NALCN: variants seen among roughly 807,000 people sequenced by gnomAD.
NALCN encodes sodium leak channel, non-selective, also known as sodium leak channel NALCN.
NALCN carries 111 observed loss-of-function variants against 225.3 expected under a neutral mutation model. That is an observed-to-expected ratio of 0.49 (90% confidence interval 0.42 to 0.58). The LOEUF (loss-of-function observed/expected upper bound fraction) is 0.58, where lower values mean the gene tolerates loss of function less well. Ranked by LOEUF, NALCN falls within the 20% of genes least tolerant of loss-of-function variation. The pLI is 0.00. For missense variants in NALCN, 1,378 were observed against 2,202.4 expected, an observed-to-expected ratio of 0.63 and a Z score of 7.49; for synonymous variants, 764 against 769.0, an observed-to-expected ratio of 0.99 and a Z score of 0.11.
chr13:101,194,598 T>C (rs1460009496), intron 13 of NALCN, among the ~76,000 whole-genome samples: 1 of 152,214 alleles, frequency 6.6e-6, no homozygotes, highest in African/African-American at 2.4e-5. Context: ...TTATTAGTGG[T>C]TACTAAAGGT....
At chr13:101,065,702 T>G in intron 39 of NALCN, 141 bp from the exon 40 acceptor site, 2 of 987,190 alleles carry the variant, frequency 2.0e-6, no homozygotes, top group Non-Finnish European at 2.9e-6. Context: ...GTCACCTCCT[T>G]GGAGCCTGGT....
intron 3 of NALCN, among the ~76,000 whole-genome samples, chr13:101,388,230 G>A (rs933827025): frequency 1.3e-4 from 20 of 152,046 alleles, no homozygotes; most frequent in East Asian, 1.9e-4. Context: ...TAACTAAAAC[G>A]TTAGCTAGCA....
At chr13:101,272,006 T>C (rs990878658) in intron 10 of NALCN, among the ~76,000 whole-genome samples, 1 of 147,486 alleles carries the variant, frequency 6.8e-6, no homozygotes, top group Non-Finnish European at 1.5e-5. Flanking sequence ...GTGTCTGCGA[T>C]TGTGTGTCAC....
chr13:101,366,699 T>C (rs2046385312), intron 6 of NALCN, among the ~76,000 whole-genome samples: 3 of 152,208 alleles, frequency 2.0e-5, no homozygotes, highest in Admixed American at 2.0e-4. Context: ...TGTGATGTTT[T>C]GATGTATGTA....
At chr13:101,254,511 C>A (rs2042159987) in intron 11 of NALCN, among the ~76,000 whole-genome samples, 1 of 151,982 alleles carries the variant, frequency 6.6e-6, no homozygotes, top group South Asian at 2.1e-4. Context: ...AACAAAATCA[C>A]CACTACCTAG....
intron 17 of NALCN, among the ~76,000 whole-genome samples, chr13:101,127,891 A>G (rs1398671463): frequency 1.3e-5 from 2 of 152,200 alleles, no homozygotes; most frequent in Non-Finnish European, 2.9e-5. Flanking sequence ...GGCAAAGGGC[A>G]TTCCTAGACT....
chr13:101,227,238 A>G (rs1036250367), intron 13 of NALCN, among the ~76,000 whole-genome samples: 1 of 152,134 alleles, frequency 6.6e-6, no homozygotes, highest in Non-Finnish European at 1.5e-5. Flanking sequence ...CCTCTGCAGG[A>G]ACCTTTGCCA....
intron 11 of NALCN, among the ~76,000 whole-genome samples, chr13:101,240,939 T>C (rs1402002135): frequency 6.6e-6 from 1 of 152,230 alleles, no homozygotes; most frequent in Non-Finnish European, 1.5e-5. Context: ...GTTACTGTTT[T>C]ATGTGAAATT....
intron 13 of NALCN, among the ~76,000 whole-genome samples, chr13:101,194,283 C>T (rs1229035201): frequency 6.6e-6 from 1 of 152,114 alleles, no homozygotes; most frequent in Non-Finnish European, 1.5e-5. Context: ...AGCTCAACCA[C>T]CTGAAAGCTC....
intron 12 of NALCN, among the ~76,000 whole-genome samples, chr13:101,231,409 A>G (rs2041343917): frequency 6.6e-6 from 1 of 152,244 alleles, no homozygotes; most frequent in South Asian, 2.1e-4. Context: ...CACAGCTTTT[A>G]AGGACATATT....
chr13:101,186,065 T>C (rs551992305), intron 14 of NALCN, among the ~76,000 whole-genome samples: 31 of 152,380 alleles, frequency 2.0e-4, no homozygotes, highest in African/African-American at 7.5e-4. Context: ...AATGTGTGTG[T>C]AACACAGACC....
chr13:101,328,978 G>A (rs1320779126), intron 7 of NALCN, among the ~76,000 whole-genome samples: 1 of 152,104 alleles, frequency 6.6e-6, no homozygotes, highest in East Asian at 1.9e-4. Flanking sequence ...AGCTGCTTCT[G>A]TTCTCTGCAT....
rs1251252657 is a variant in NALCN, at chr13:101,254,904, A to AC, written c.1266+3538_1266+3539insG. ...AGACTCTGTCTCAAAAAAAAAAAAA[A>AC]AAAAAAAAAGAATGAATGACATGTT... On this transcript the variant is annotated intron_variant, in intron 11 of 43. Coordinates refer to ENST00000251127, the MANE Select transcript of NALCN (RefSeq NM_052867.4). Among the ~76,000 whole-genome samples, 13 of 72,136 alleles carry AC rather than the reference A, an allele frequency of 1.8e-4. 4 individuals carry two copies. The highest frequency in any genetic ancestry group is 3.9e-4 in the Non-Finnish European group (10 of 25,714). 47.3% of individuals were successfully genotyped at this position (72,136 alleles called of 152,430 possible).
intron 18 of NALCN, among the ~76,000 whole-genome samples, chr13:101,115,585 T>C (rs1238104729): frequency 6.6e-6 from 1 of 152,210 alleles, no homozygotes; most frequent in Non-Finnish European, 1.5e-5. Context: ...GGAGAAGAAC[T>C]TGAATATTCC....
At chr13:101,288,740 T>C (rs1404948171) in intron 9 of NALCN, among the ~76,000 whole-genome samples, 1 of 152,212 alleles carries the variant, frequency 6.6e-6, no homozygotes, top group Non-Finnish European at 1.5e-5. Context: ...TCCTATTGGA[T>C]TATGATTCAT....
chr13:101,214,723 G>A (rs868117712), intron 13 of NALCN, among the ~76,000 whole-genome samples: 8 of 152,144 alleles, frequency 5.3e-5, no homozygotes, highest in African/African-American at 1.7e-4. Context: ...TTTTAATGTT[G>A]TGTCAGAGAT....
chr13:101,283,715 A>G (rs878953049), intron 10 of NALCN, among the ~76,000 whole-genome samples: 5 of 151,998 alleles, frequency 3.3e-5, no homozygotes, highest in South Asian at 2.1e-4. Context: ...ATGCTCTTAC[A>G]TGCCTGCAGC....
intron 7 of NALCN, among the ~76,000 whole-genome samples, chr13:101,332,397 C>CAAAAAAAAAAAAAAAAAAA (rs753158247): frequency 1.6e-4 from 9 of 57,830 alleles, no homozygotes; most frequent in Non-Finnish European, 2.2e-4. Context: ...TTCACAAAGC[C>CAAAAAAAAAAAAAAAAAAA]AAAAAAAAAA....
At chr13:101,386,025 C>A (rs2046977782) in intron 3 of NALCN, among the ~76,000 whole-genome samples, 1 of 151,954 alleles carries the variant, frequency 6.6e-6, no homozygotes, top group African/African-American at 2.4e-5. Context: ...GTGGATGGTA[C>A]TTTAATGTAT....
Sources: allele counts gnomAD v4.1 joint callset (sites outside exome capture counted in the v4.1 genomes callset), GRCh38; gene constraint gnomAD v4.1.1; transcripts MANE v1.5; gene names NCBI Gene and HGNC (gene_info 2026-07-23, HGNC 2026-07-21).